MYO10: variants seen among roughly 807,000 people sequenced by gnomAD.
The protein encoded by MYO10 is myosin X.
Under a neutral mutation model 257.3 loss-of-function variants are expected in MYO10, and 133 were observed. The ratio of observed to expected loss-of-function variants is 0.52; its 90% CI spans 0.45 to 0.60. The LOEUF (loss-of-function observed/expected upper bound fraction) is 0.60, where lower values mean the gene tolerates loss of function less well. Ranked by LOEUF, MYO10 falls within the 20% of genes least tolerant of loss-of-function variation. The pLI is 0.00. For missense variants in MYO10, 2,399 were observed against 2,635.7 expected (o/e 0.91, Z 1.97); for synonymous variants, 1,104 against 1,028.6 (o/e 1.07, Z -1.40).
chr5:16,745,451 C>A, intron 19 of MYO10, among the ~76,000 whole-genome samples: 1 of 152,096 alleles, frequency 6.6e-6, no homozygotes, highest in East Asian at 1.9e-4. Flanking sequence ...TTTGGGAGGC[C>A]AAAGCAGGAG....
At chr5:16,761,369 C>A in intron 17 of MYO10, 95 bp downstream of exon 17, 1 of 976,568 alleles carries the variant, frequency 1.0e-6, no homozygotes, top group South Asian at 1.4e-5. Context: ...AAGTTTCTTA[C>A]ATAACAGCAA....
intron 28 of MYO10, among the ~76,000 whole-genome samples, chr5:16,689,420 G>A (rs1737389124): frequency 6.6e-6 from 1 of 152,106 alleles, no homozygotes; most frequent in African/African-American, 2.4e-5. Flanking sequence ...TACTTAAACA[G>A]CCATTAGTTA....
chr5:16,694,332 G>T, intron 27 of MYO10, 39 bp downstream of exon 27: 2 of 1,612,024 alleles, frequency 1.2e-6, no homozygotes, highest in South Asian at 2.2e-5. Flanking sequence ...CATAAACCAT[G>T]AGCAACCCAT....
At chr5:16,852,719 T>G (rs1252407254) in intron 2 of MYO10, among the ~76,000 whole-genome samples, 1 of 152,036 alleles carries the variant, frequency 6.6e-6, no homozygotes, top group Admixed American at 6.6e-5. Flanking sequence ...CTCATGTGAC[T>G]TTGATCAAAG....
intron 2 of MYO10, among the ~76,000 whole-genome samples, chr5:16,860,684 CAGAGGCTCTTAAG>C (rs1400817085): frequency 6.6e-6 from 1 of 151,950 alleles, no homozygotes; most frequent in Admixed American, 6.6e-5. Context: ...CAAGAGTAAG[CAGAGGCTCTTAAG>C]AGAGTCAACG....
chr5:16,934,300 T>G (rs1222296161), intron 1 of MYO10, among the ~76,000 whole-genome samples: 1 of 152,094 alleles, frequency 6.6e-6, no homozygotes, highest in Non-Finnish European at 1.5e-5. Context: ...ACAGGAGGAG[T>G]GAGATCCGTG....
chr5:16,729,221 C>T (rs1375834449), intron 19 of MYO10, among the ~76,000 whole-genome samples: 5 of 152,116 alleles, frequency 3.3e-5, no homozygotes, highest in African/African-American at 9.7e-5. Flanking sequence ...TTTTGCATGA[C>T]GTACTAAACT....
In MYO10 at chr5:16,738,024, G is replaced by C. The variant is rs984950350; in HGVS notation, c.1929+16804C>G. The C allele has an allele frequency of 1.9e-5, 16 of 832,968 alleles. No homozygotes were observed. The African/African-American group carries it at 3.0e-4, about 15-fold the overall frequency. The allele number at this position is 832,968 out of a possible 1,614,324, so 51.6% of individuals were successfully genotyped here. A position where few individuals can be genotyped will look rare whatever the true frequency, so the allele number is the denominator to read the frequency against. ...GGTGAAGCAGAGTAGCACGGAACTA[G>C]AAAATCTAGAAAACTAGGAAAATCA... On this transcript the variant is annotated intron_variant, in intron 19 of 40. Transcript: ENST00000513610.
At position 16,665,674 on chromosome 5, in the gene MYO10, A is replaced by ATGAT. The variant is rs1393478359; in HGVS notation, c.*1014_*1017dup. 8.5e-5 allele frequency: 13 copies of ATGAT among 152,552 alleles called. No homozygotes were observed. Among genetic ancestry groups the ATGAT allele is most frequent in the African/African-American group, 2.4e-4 (10 of 41,474 alleles). 9.4% of individuals were successfully genotyped at this position (152,552 alleles called of 1,614,324 possible). A position where few individuals can be genotyped will look rare whatever the true frequency, so the allele number is the denominator to read the frequency against. ...TTATTATATCTGTAATCTATCCAGA[A>ATGAT]TGATAGAAGCTAACCTTCCAAGTAA... On this transcript the variant is annotated 3_prime_UTR_variant, in exon 41 of 41. Transcript: ENST00000513610.
intron 9 of MYO10, among the ~76,000 whole-genome samples, chr5:16,769,662 G>T (rs1740986963): frequency 6.6e-6 from 1 of 152,168 alleles, no homozygotes; most frequent in African/African-American, 2.4e-5. Context: ...CTTTTAAAAT[G>T]ATGAGGACAT....
Position 16,663,535 on chromosome 5 carries a change from G to C in MYO10, c.*3157C>G, listed in dbSNP as rs1736051539. On this transcript the variant is annotated 3_prime_UTR_variant, in exon 41 of 41. Transcript: ENST00000513610. ...TGTGGTCTGAATCCAACCACAGATA[G>C]AAAATATTTGAAAAAACTTTTTTTG... 7.4e-6 allele frequency: 1 copy of C among 134,768 alleles called. No homozygotes were observed. Among genetic ancestry groups the C allele is most frequent in the African/African-American group, 2.8e-5 (1 of 35,590 alleles). 8.3% of individuals were successfully genotyped at this position (134,768 alleles called of 1,614,324 possible).
At chr5:16,781,960 T>C (rs1685238380) in intron 5 of MYO10, 131 bp from the exon 6 acceptor site, 3 of 1,140,196 alleles carry the variant, frequency 2.6e-6, no homozygotes, top group Non-Finnish European at 2.5e-6. Context: ...AGGGTGGCAA[T>C]GTTTATTTCC....
chr5:16,756,351 T>C (rs1314164182), intron 18 of MYO10, among the ~76,000 whole-genome samples: 1 of 152,184 alleles, frequency 6.6e-6, no homozygotes, highest in Non-Finnish European at 1.5e-5. Context: ...CAGGCATGTG[T>C]CACCATGCCC....
chr5:16,842,891 C>A (rs1049388909), intron 2 of MYO10, among the ~76,000 whole-genome samples: 20 of 146,706 alleles, frequency 1.4e-4, no homozygotes, highest in African/African-American at 5.1e-4. Context: ...GAGACCCCGT[C>A]TCTACTAAAA....
At chr5:16,717,025 TG>T (rs914666735) in intron 19 of MYO10, among the ~76,000 whole-genome samples, 1 of 152,082 alleles carries the variant, frequency 6.6e-6, no homozygotes, top group Admixed American at 6.6e-5. Context: ...TTAGTAGAGA[TG>T]GGGTTTTCCC....
chr5:16,688,042 A>C (rs1294741704), intron 28 of MYO10, among the ~76,000 whole-genome samples: 1 of 152,194 alleles, frequency 6.6e-6, no homozygotes, highest in Non-Finnish European at 1.5e-5. Flanking sequence ...AAATATTCCA[A>C]AGGTTAAATT....
At chr5:16,732,391 G>A (rs191529011) in intron 19 of MYO10, among the ~76,000 whole-genome samples, 2 of 152,256 alleles carry the variant, frequency 1.3e-5, no homozygotes, top group East Asian at 1.9e-4. Context: ...ATAATCTGTT[G>A]CCCTTTTATC....
chr5:16,877,535 G>A (rs1025806652), intron 2 of MYO10, 74 bp downstream of exon 2: 12 of 1,191,626 alleles, frequency 1.0e-5, no homozygotes, highest in African/African-American at 4.5e-5. Flanking sequence ...GGGGGGCCAA[G>A]CACACATGCC....
chr5:16,918,500 CTTT>C (rs5866221), intron 1 of MYO10, among the ~76,000 whole-genome samples: 1 of 117,690 alleles, frequency 8.5e-6, no homozygotes. Flanking sequence ...TTTTTCTTTT[CTTT>C]TTTTTTTTTT....
Sources: gnomAD v4.1 joint callset for allele counts (sites outside exome capture counted in the v4.1 genomes callset) on GRCh38, gnomAD v4.1.1 for gene constraint, MANE v1.5 for transcripts, NCBI Gene and HGNC (gene_info 2026-07-23, HGNC 2026-07-21) for gene names.